Variants in CTSA observed in about 807,000 individuals in gnomAD.
CTSA encodes lysosomal protective protein.
A neutral mutation model predicts 66.7 loss-of-function variants in CTSA; 42 were observed. The ratio of observed to expected loss-of-function variants is 0.63; its 90% confidence interval spans 0.49 to 0.81. The LOEUF (loss-of-function observed/expected upper bound fraction) is 0.81. Ranked by LOEUF, CTSA falls within the 40% of genes least tolerant of loss-of-function variation. The pLI, the probability that CTSA is intolerant of heterozygous loss-of-function variation, is 0.00. For missense variants in CTSA, 525 were observed against 610.9 expected, an observed-to-expected ratio of 0.86 and a Z score of 1.48; for synonymous variants, 225 against 248.6, an observed-to-expected ratio of 0.91 and a Z score of 0.89.
At chr20:45,894,381 A>G (rs1987127077) in intron 8 of CTSA, 1 of 610,000 alleles carries the variant, frequency 1.6e-6, no homozygotes, top group South Asian at 1.9e-5. Flanking sequence ...CCCTCAAATG[A>G]GATCATACTA....
chr20:45,895,589 A>T (rs2083095960), intron 11 of CTSA, among the ~76,000 whole-genome samples: 1 of 152,064 alleles, frequency 6.6e-6, no homozygotes, highest in Non-Finnish European at 1.5e-5. Flanking sequence ...CTGGGATTAC[A>T]GGCATGAGCC....
At position 45,898,133 on chromosome 20, in the gene CTSA, A is replaced by G. The variant is rs768741209; in HGVS notation, c.1359+24A>G. ...AGGTAGGGACTGGGCCTGCTGAGAG[A>G]TAACTGGGCCGGAGGCAAAGGAGCA... On this transcript the variant is annotated intron_variant, in intron 14 of 14. Coordinates refer to ENST00000646241, the MANE Select transcript of CTSA (RefSeq NM_000308.4). The surrounding 1 kb of genome is among the most constrained non-coding windows in gnomAD (Gnocchi z 4.6). 1.9e-6 allele frequency: 3 copies of G among 1,607,222 alleles called. No homozygotes were observed. The highest frequency in any genetic ancestry group is 1.1e-5 in the South Asian group (1 of 90,916).
rs2145816162 is a variant in CTSA, at chr20:45,892,895, C to T, written c.600+15C>T. On this transcript the variant is annotated intron_variant, in intron 6 of 14. Coordinates refer to ENST00000646241, the MANE Select transcript of CTSA (RefSeq NM_000308.4). ...TGAACCTTCAGGTGCAGGGTAGCTG[C>T]AGGAGGGAAGGGAGGTAGCTTGAGG... 1.2e-6 allele frequency: 2 copies of T among 1,613,778 alleles called. No individual in the cohort carries two copies. The highest frequency in any genetic ancestry group is 3.3e-5 in the Admixed American group (2 of 59,992).
chr20:45,894,619 T>G, intron 8 of CTSA, 31 bp from the exon 9 acceptor site: 1 of 1,598,858 alleles, frequency 6.3e-7, no homozygotes, highest in Non-Finnish European at 8.6e-7. Flanking sequence ...TGGGGATCTG[T>G]AAAGCATGGT....
intron 5 of CTSA, 59 bp from the exon 6 acceptor site, chr20:45,892,666 C>T: frequency 1.2e-6 from 2 of 1,608,210 alleles, no homozygotes; most frequent in African/African-American, 2.7e-5. Context: ...CTCTGAAGTT[C>T]TTTCCAGTTC....
intron 6 of CTSA, 86 bp from the exon 7 acceptor site, chr20:45,893,134 G>A (rs1197642165): frequency 1.2e-5 from 15 of 1,245,278 alleles, no homozygotes; most frequent in African/African-American, 2.9e-5. Context: ...TTCAGCTTCC[G>A]GATTGCTGAA....
At position 45,892,787 on chromosome 20, in the gene CTSA, C is replaced by T. The variant is rs1034676239; in HGVS notation, c.507C>T (p.Asn169=). Residue 169 remains asparagine, a synonymous_variant, in exon 6 of 15, where the codon AAC becomes AAT. Transcript: ENST00000646241. ...TCCGCCTCTTTCCGGAGTACAAGAA[C>T]AACAAACTTTTCCTGACCGGGGAGA... The part of the protein sequence containing the change: ...DFFRLFPEYK[N]NKLFLTGESY... 1.2e-5 allele frequency: 19 copies of T among 1,614,182 alleles called. No individual in the cohort carries two copies. The highest frequency in any genetic ancestry group is 1.6e-5 in the Non-Finnish European group (19 of 1,180,032).
intron 11 of CTSA, 89 bp downstream of exon 11, chr20:45,895,222 A>G: frequency 6.6e-7 from 1 of 1,513,388 alleles, no homozygotes; most frequent in Non-Finnish European, 9.2e-7. Flanking sequence ...TTCTGTGTAG[A>G]GTTTCTCAAT....
rs114258535 is a variant in CTSA at position 45,895,287 on chromosome 20, G to C, written c.1088+154G>C. The C allele has an allele frequency of 1.1e-3, 891 of 840,052 alleles. 5 individuals are homozygous for C. In the African/African-American group the frequency reaches 0.014, roughly 13 times the overall value. The allele number at this position is 840,052 out of a possible 1,614,324, so 52.0% of individuals were successfully genotyped here. A position where few individuals can be genotyped will look rare whatever the true frequency, so the allele number is the denominator to read the frequency against. The stretch of plus-strand genomic sequence containing the variant: ...CATCCCTGACCCCTCAGTGGATTGA[G>C]AGTCAGCCAATTCATTCTTTTATCT... On this transcript the variant is annotated intron_variant, in intron 11 of 14. Coordinates refer to ENST00000646241, the MANE Select transcript of CTSA (RefSeq NM_000308.4).
At position 45,892,414 on chromosome 20, in the gene CTSA, AC is replaced by A; in HGVS notation, c.376del (p.Leu126TrpfsTer49). On this transcript the variant is annotated frameshift_variant, in exon 5 of 15. Coordinates refer to ENST00000646241, the MANE Select transcript of CTSA (RefSeq NM_000308.4). LOFTEE classifies it high-confidence loss of function. Reference sequence around the variant, plus strand: ...CCCCTCTAGATTGCCAATGTGTTATACCTGGAGTCCCCAGCTGGGGTGGGCT... The same window carrying A: ...CCCCTCTAGATTGCCAATGTGTTATACTGGAGTCCCCAGCTGGGGTGGGCT... Reference protein sequence around the residue: ...YSWNLIANVLYLESPAGVGFS... With the variant: ...YSWNLIANVLXLESPAGVGFS... 1.2e-6 allele frequency: 2 copies of A among 1,614,128 alleles called. No homozygotes were observed. The highest frequency in any genetic ancestry group is 8.5e-7 in the Non-Finnish European group (1 of 1,180,018).
In CTSA at chr20:45,897,818, A is replaced by G; in HGVS notation, c.1254+12A>G. The G allele has an allele frequency of 1.3e-6, 2 of 1,596,386 alleles. No individual in the cohort carries two copies. The highest frequency in any genetic ancestry group is 1.7e-6 in the Non-Finnish European group (2 of 1,163,932). On this transcript the variant is annotated intron_variant, in intron 13 of 14. Transcript: ENST00000646241. ...CCCTCAACCAGAAGGTAAGGTAGAG[A>G]TTCCTGGCCCTGGGATAGGGGCTGC... is the stretch of plus-strand genomic sequence containing the variant.
At position 45,894,635 on chromosome 20, in the gene CTSA, G is replaced by C; in HGVS notation, c.778-15G>C. On this transcript the variant is annotated splice_polypyrimidine_tract_variant and intron_variant, in intron 8 of 14. Transcript: ENST00000646241. ...GGGGATCTGTAAAGCATGGTGGCTT[G>C]GTGTATCATTGCAGCTTCAGGAAGT... The C allele has an allele frequency of 1.2e-6, 2 of 1,610,132 alleles. No individual in the cohort carries two copies. The highest frequency in any genetic ancestry group is 2.2e-5 in the South Asian group (2 of 90,968).
At position 45,892,706 on chromosome 20, in the gene CTSA, C is replaced by T. The variant is rs752702483; in HGVS notation, c.445-19C>T. 2.4e-5 allele frequency: 39 copies of T among 1,614,188 alleles called. No individual in the cohort carries two copies. The highest frequency in any genetic ancestry group is 3.2e-5 in the Non-Finnish European group (38 of 1,180,006). On this transcript the variant is annotated intron_variant, in intron 5 of 14. Transcript: ENST00000646241. ...ACCAAAGCTTCCTGATTCCCTCTGT[C>T]TTGCTCTGCCATCCCCAGGTCGCCC...
At chr20:45,892,063 A>G (rs779967328) in intron 3 of CTSA, 36 bp downstream of exon 3, 2 of 1,577,914 alleles carry the variant, frequency 1.3e-6, no homozygotes, top group Non-Finnish European at 1.7e-6. Flanking sequence ...CAGTTCCCAA[A>G]GTAAAAGGCT....
In CTSA at chr20:45,891,465, G is replaced by A; in HGVS notation, c.-1+86G>A. ...AGGCTCGCGGGTGGGAGCTGGCGCT[G>A]GGGCCGGGGCTTCCCTCGCGGAGGC... On this transcript the variant is annotated intron_variant, in intron 1 of 14. Coordinates refer to ENST00000646241, the MANE Select transcript of CTSA (RefSeq NM_000308.4). The surrounding 1 kb of genome is among the most constrained non-coding windows in gnomAD (Gnocchi z 4.6). 6.5e-7 allele frequency: 1 copy of A among 1,545,786 alleles called. No individual in the cohort carries two copies. Among genetic ancestry groups the A allele is most frequent in the South Asian group, 1.2e-5 (1 of 84,382 alleles).
chr20:45,892,608 T>G, intron 5 of CTSA, 117 bp from the exon 6 acceptor site: 1 of 1,503,970 alleles, frequency 6.6e-7, no homozygotes, highest in Admixed American at 1.7e-5. Flanking sequence ...TGTGGTATGG[T>G]GGCCAGTCAC....
rs1280993262 is a variant in CTSA, at chr20:45,894,743, T to C, written c.869+2T>C. ...TGGAGGGGTGCCCAGCCATTTTAGGTAGGTGCTGCTGGGTGCCCCTGGAGC... is the reference window on the plus strand; with the variant it reads ...TGGAGGGGTGCCCAGCCATTTTAGGCAGGTGCTGCTGGGTGCCCCTGGAGC... On this transcript the variant is annotated splice_donor_variant, in intron 9 of 14. Coordinates refer to ENST00000646241, the MANE Select transcript of CTSA (RefSeq NM_000308.4). LOFTEE classifies it high-confidence loss of function. 1 of 1,614,028 alleles carries C rather than the reference T, an allele frequency of 6.2e-7. No homozygotes were observed. Among genetic ancestry groups the C allele is most frequent in the Non-Finnish European group, 8.5e-7 (1 of 1,179,956 alleles).
At chr20:45,897,524 A>AT (rs2083123547) in intron 12 of CTSA, 193 bp from the exon 13 acceptor site, 1 of 586,430 alleles carries the variant, frequency 1.7e-6, no homozygotes, top group African/African-American at 1.9e-5. Flanking sequence ...GATAATAATG[A>AT]TATCTACCTT....
chr20:45,893,485 TC>T (rs1249377060), intron 7 of CTSA, 174 bp downstream of exon 7: 125 of 526,730 alleles, frequency 2.4e-4, no homozygotes, highest in Middle Eastern at 1.6e-3. Flanking sequence ...TTTCTTTCTT[TC>T]TTTTTTTTTT....
Sources: gnomAD v4.1 joint callset for allele counts (sites outside exome capture counted in the v4.1 genomes callset) on GRCh38, gnomAD v4.1.1 for gene constraint, Gnocchi (gnomAD v3.1) non-coding constraint, MANE v1.5 for transcripts, NCBI Gene and HGNC (gene_info 2026-07-23, HGNC 2026-07-21) for gene names.